The following ZFAND6 variants were observed in gnomAD, a reference collection of about 807,000 sequenced individuals.
ZFAND6 encodes AN1-type zinc finger protein 6.
ZFAND6 carries 12 observed loss-of-function variants against 24.5 expected under a neutral mutation model. The ratio of observed to expected loss-of-function variants is 0.49; its 90% CI spans 0.31 to 0.79. The LOEUF is 0.79. Ranked by LOEUF, ZFAND6 falls within the 30% of genes least tolerant of loss-of-function variation. ZFAND6 has a pLI of 0.04. For missense variants in ZFAND6, 207 were observed against 245.9 expected, an observed-to-expected ratio of 0.84 and a Z score of 1.06; for synonymous variants, 92 against 81.5, an observed-to-expected ratio of 1.13 and a Z score of -0.69.
At chr15:80,131,488 T>TA (rs1472237600) in intron 6 of ZFAND6, 195 bp downstream of exon 6, 3 of 467,824 alleles carry the variant, frequency 6.4e-6, no homozygotes, top group East Asian at 3.2e-5. Flanking sequence ...ATAGCTTTTT[T>TA]AAAAAAAGTT....
intron 1 of ZFAND6, among the ~76,000 whole-genome samples, chr15:80,098,076 A>T (rs2038836055): frequency 6.6e-6 from 1 of 152,180 alleles, no homozygotes; most frequent in African/African-American, 2.4e-5. Flanking sequence ...CTGTTGGTAA[A>T]AGTGTTCTTT....
At chr15:80,109,253 A>G (rs543676401) in intron 2 of ZFAND6, among the ~76,000 whole-genome samples, 1 of 152,338 alleles carries the variant, frequency 6.6e-6, no homozygotes, top group East Asian at 1.9e-4. Context: ...ACCAAGCATT[A>G]TTCAAAGCAT....
chr15:80,061,010 A>T (rs1459124141), intron 1 of ZFAND6, among the ~76,000 whole-genome samples: 5 of 152,230 alleles, frequency 3.3e-5, no homozygotes, highest in African/African-American at 4.8e-5. Context: ...TTGATTTTTT[A>T]AAAGTGTAAA....
chr15:80,063,414 C>CA (rs1309258461), intron 1 of ZFAND6, among the ~76,000 whole-genome samples: 2 of 151,900 alleles, frequency 1.3e-5, no homozygotes, highest in Non-Finnish European at 1.5e-5. Context: ...TTTTTTGAGA[C>CA]AGAGTCTTGC....
chr15:80,066,502 G>T (rs957863446), intron 1 of ZFAND6, among the ~76,000 whole-genome samples: 1 of 151,846 alleles, frequency 6.6e-6, no homozygotes, highest in African/African-American at 2.4e-5. Context: ...TAGTAGAGAT[G>T]GGGTTTCACC....
intron 1 of ZFAND6, among the ~76,000 whole-genome samples, chr15:80,097,848 T>G (rs1027412147): frequency 2.0e-5 from 3 of 152,154 alleles, no homozygotes; most frequent in Non-Finnish European, 4.4e-5. Context: ...GTTTTTTTTT[T>G]TTATGGGAAC....
intron 1 of ZFAND6, among the ~76,000 whole-genome samples, chr15:80,093,673 C>T (rs1411375742): frequency 6.6e-6 from 1 of 152,104 alleles, no homozygotes; most frequent in Non-Finnish European, 1.5e-5. Flanking sequence ...TGCAGTGAGC[C>T]GAGATCGCGC....
At chr15:80,093,539 C>G (rs1334378153) in intron 1 of ZFAND6, among the ~76,000 whole-genome samples, 2 of 151,890 alleles carry the variant, frequency 1.3e-5, no homozygotes, top group Non-Finnish European at 2.9e-5. Flanking sequence ...CCAGCCTGAC[C>G]AACATGGTGA....
At chr15:80,089,555 C>G (rs1188168048) in intron 1 of ZFAND6, among the ~76,000 whole-genome samples, 1 of 152,058 alleles carries the variant, frequency 6.6e-6, no homozygotes, top group Non-Finnish European at 1.5e-5. Context: ...CACTCCCAGC[C>G]TAGCCTTTGT....
chr15:80,093,510 C>T (rs188874842), intron 1 of ZFAND6, among the ~76,000 whole-genome samples: 6 of 151,808 alleles, frequency 4.0e-5, no homozygotes, highest in East Asian at 2.0e-4. Context: ...GGCGGAGCAC[C>T]GAGGTCAGGA....
At chr15:80,081,822 A>G (rs1386672376) in intron 1 of ZFAND6, among the ~76,000 whole-genome samples, 1 of 152,262 alleles carries the variant, frequency 6.6e-6, no homozygotes, top group Non-Finnish European at 1.5e-5. Context: ...ATTTAGTTTA[A>G]TGTCAGGATC....
At chr15:80,074,493 G>A (rs934354086) in intron 1 of ZFAND6, among the ~76,000 whole-genome samples, 3 of 151,912 alleles carry the variant, frequency 2.0e-5, no homozygotes, top group African/African-American at 7.2e-5. Context: ...CTGGAGTAGT[G>A]CCAGTTAACT....
rs2040947271 is a variant in ZFAND6, at chr15:80,138,256, C to T, written c.*628C>T. The T allele has an allele frequency of 6.6e-6, 1 of 152,528 alleles. No homozygotes were observed. Among genetic ancestry groups the T allele is most frequent in the South Asian group, 2.1e-4 (1 of 4,828 alleles). 9.4% of individuals were successfully genotyped at this position (152,528 alleles called of 1,614,324 possible). ...AAAGCTGTATGCATTTCATTGCTGT[C>T]TACAGGTTTCTTTCAGATTATGTTC... On this transcript the variant is annotated 3_prime_UTR_variant, in exon 7 of 7. Transcript: ENST00000261749.
chr15:80,115,937 C>G (rs2039855219), intron 2 of ZFAND6, among the ~76,000 whole-genome samples: 2 of 152,056 alleles, frequency 1.3e-5, no homozygotes, highest in Non-Finnish European at 2.9e-5. Flanking sequence ...TGTTTGGTTG[C>G]TAGCCATATA....
chr15:80,064,504 T>C (rs936345317), intron 1 of ZFAND6, among the ~76,000 whole-genome samples: 3 of 152,216 alleles, frequency 2.0e-5, no homozygotes, highest in Non-Finnish European at 2.9e-5. Flanking sequence ...TTTATATTTG[T>C]GATACCCTTT....
intron 1 of ZFAND6, among the ~76,000 whole-genome samples, chr15:80,068,760 T>G (rs1236231358): frequency 6.6e-6 from 1 of 152,204 alleles, no homozygotes; most frequent in Admixed American, 6.5e-5. Flanking sequence ...GCCCAGCCAA[T>G]TTTTAAATTT....
intron 1 of ZFAND6, among the ~76,000 whole-genome samples, chr15:80,063,594 G>C (rs149979188): frequency 1.4e-5 from 2 of 146,944 alleles, no homozygotes; most frequent in South Asian, 2.1e-4. Flanking sequence ...ATCTTACTCT[G>C]TTATACAGGC....
intron 2 of ZFAND6, among the ~76,000 whole-genome samples, chr15:80,100,861 A>G (rs942073085): frequency 1.3e-5 from 2 of 152,198 alleles, no homozygotes; most frequent in East Asian, 1.9e-4. Context: ...TGTCCCTTCT[A>G]ACATCTCTGT....
chr15:80,134,550 G>A (rs2040768655), intron 6 of ZFAND6, among the ~76,000 whole-genome samples: 2 of 152,214 alleles, frequency 1.3e-5, no homozygotes, highest in African/African-American at 2.4e-5. Context: ...AGATGTGAAA[G>A]CTCTCAAGCC....
Sources: allele counts gnomAD v4.1 joint callset (sites outside exome capture counted in the v4.1 genomes callset), GRCh38; gene constraint gnomAD v4.1.1; transcripts MANE v1.5; gene names NCBI Gene and HGNC (gene_info 2026-07-23, HGNC 2026-07-21).